The following DYNC1I2 variants were observed in gnomAD, a reference collection of about 807,000 sequenced individuals.
DYNC1I2 encodes dynein cytoplasmic 1 intermediate chain 2.
Under a neutral mutation model 88.6 loss-of-function variants are expected in DYNC1I2, and 53 were observed. That is an observed-to-expected ratio of 0.60 (90% CI 0.48 to 0.75). The LOEUF (loss-of-function observed/expected upper bound fraction) is 0.75. DYNC1I2 is among the 30% of genes least tolerant of loss of function. The pLI is 0.00. For synonymous variants in DYNC1I2, 198 were observed against 254.6 expected (o/e 0.78, Z 2.12); for missense variants, 458 against 766.6 (o/e 0.60, Z 4.75).
chr2:171,726,216 C>T lies in DYNC1I2; in HGVS notation c.793C>T (p.Leu265=). ...KEGEIQAGAK[L]SLNRQFFDER... ...TAGAGAGATTCAAGCAGGTGCTAAACTGTCATTAAATCGACAATTTTTTGA... is the reference window on the plus strand; with the variant it reads ...TAGAGAGATTCAAGCAGGTGCTAAATTGTCATTAAATCGACAATTTTTTGA... Residue 265 remains leucine, a synonymous_variant, in exon 10 of 18, where the codon CTG becomes TTG. Coordinates refer to ENST00000397119, the MANE Select transcript of DYNC1I2 (RefSeq NM_001378.3). 1.2e-6 allele frequency: 2 copies of T among 1,612,036 alleles called. No homozygotes were observed. The highest frequency in any genetic ancestry group is 2.2e-5 in the East Asian group (1 of 44,792).
intron 7 of DYNC1I2, among the ~76,000 whole-genome samples, chr2:171,723,441 C>T (rs540055473): frequency 6.6e-6 from 1 of 152,036 alleles, no homozygotes; most frequent in African/African-American, 2.4e-5. Flanking sequence ...AAATAGATGT[C>T]CTATTATTCT....
intron 3 of DYNC1I2, among the ~76,000 whole-genome samples, chr2:171,705,232 T>TC (rs1293007784): frequency 6.6e-6 from 1 of 152,146 alleles, no homozygotes; most frequent in Non-Finnish European, 1.5e-5. Flanking sequence ...AGCCTGTTTC[T>TC]GTAAAGAATT....
intron 7 of DYNC1I2, among the ~76,000 whole-genome samples, chr2:171,724,626 A>G (rs997184647): frequency 7.2e-5 from 11 of 152,216 alleles, no homozygotes; most frequent in Admixed American, 7.2e-4. Context: ...AATTTTGAAC[A>G]TGAGTCAGGG....
chr2:171,704,148 G>A (rs561874084), intron 3 of DYNC1I2, among the ~76,000 whole-genome samples: 51 of 152,038 alleles, frequency 3.4e-4, no homozygotes, highest in African/African-American at 1.2e-3. Context: ...GGTCCTTTGT[G>A]GTCTAAAAAT....
intron 15 of DYNC1I2, among the ~76,000 whole-genome samples, chr2:171,738,312 A>G (rs953479688): frequency 1.2e-4 from 19 of 152,074 alleles, no homozygotes; most frequent in African/African-American, 3.6e-4. Context: ...AGCCTGGGAG[A>G]CAAGAACGAA....
intron 13 of DYNC1I2, 98 bp from the exon 14 acceptor site, chr2:171,728,616 AAAT>A: frequency 9.1e-7 from 1 of 1,099,908 alleles, no homozygotes; most frequent in Non-Finnish European, 1.3e-6. Flanking sequence ...AGATTTATGT[AAAT>A]AATAAAAGAA....
rs1484254116 is a variant in DYNC1I2, at chr2:171,744,076, G to T, written c.1564G>T (p.Asp522Tyr). The part of the protein sequence containing the change: ...KNNKPLYSFE[D>Y]NADYVYDVMW... ...TAACAAGCCTTTGTATTCATTTGAA[G>T]ATAATGCAGACTATGTTTATGATGT... Residue 522 changes from aspartate (D) to tyrosine (Y), a missense_variant, in exon 16 of 18, where the codon GAT (aspartate) becomes TAT (tyrosine). By Grantham distance (160) the Asp-to-Tyr change is radical. This residue lies in a region of DYNC1I2 where 188 missense variants were observed against 300.4 expected (regional missense o/e 0.63). Coordinates refer to ENST00000397119, the MANE Select transcript of DYNC1I2 (RefSeq NM_001378.3). The T allele has an allele frequency of 6.2e-7, 1 of 1,611,522 alleles. No homozygotes were observed. The highest frequency in any genetic ancestry group is 8.5e-7 in the Non-Finnish European group (1 of 1,179,376).
intron 5 of DYNC1I2, among the ~76,000 whole-genome samples, chr2:171,708,123 C>T (rs1559374964): frequency 6.6e-6 from 1 of 151,526 alleles, no homozygotes; most frequent in Non-Finnish European, 1.5e-5. Flanking sequence ...TACTTTTTGA[C>T]TTCTGAAATG....
intron 7 of DYNC1I2, among the ~76,000 whole-genome samples, chr2:171,716,934 A>T (rs1187398841): frequency 6.6e-6 from 1 of 151,880 alleles, no homozygotes; most frequent in African/African-American, 2.4e-5. Flanking sequence ...TAGGATTGTA[A>T]CTATTTACAA....
At chr2:171,689,533 T>A (rs1685222891) in intron 1 of DYNC1I2, among the ~76,000 whole-genome samples, 1 of 152,216 alleles carries the variant, frequency 6.6e-6, no homozygotes, top group Non-Finnish European at 1.5e-5. Context: ...TTGACCTTTA[T>A]CTTGGGTACC....
rs868845511 is a variant in DYNC1I2 at position 171,745,506 on chromosome 2, G to T, written c.1678-296G>T. Among the ~76,000 whole-genome samples the T allele has an allele frequency of 1.6e-4, 24 of 152,224 alleles. 1 individual carries two copies. The highest frequency in any genetic ancestry group is 5.5e-4 in the African/African-American group (23 of 41,544). ...TTTTCAAACAGCTTGACTTCTTAAAGACATTAAAACAACAAAAAAGGATTC... is the reference window on the plus strand; with the variant it reads ...TTTTCAAACAGCTTGACTTCTTAAATACATTAAAACAACAAAAAAGGATTC... On this transcript the variant is annotated intron_variant, in intron 16 of 17. Coordinates refer to ENST00000397119, the MANE Select transcript of DYNC1I2 (RefSeq NM_001378.3).
chr2:171,720,402 A>G (rs1269995073), intron 7 of DYNC1I2, among the ~76,000 whole-genome samples: 1 of 152,128 alleles, frequency 6.6e-6, no homozygotes, highest in African/African-American at 2.4e-5. Context: ...TAACATTTGG[A>G]ATTCACTCCC....
intron 3 of DYNC1I2, among the ~76,000 whole-genome samples, chr2:171,705,636 C>T (rs116211243): frequency 6.6e-6 from 1 of 152,108 alleles, no homozygotes; most frequent in African/African-American, 2.4e-5. Context: ...GGGGAAGCCT[C>T]ACAGTGAAAG....
At chr2:171,736,044 A>C (rs1688982237) in intron 15 of DYNC1I2, among the ~76,000 whole-genome samples, 1 of 152,212 alleles carries the variant, frequency 6.6e-6, no homozygotes, top group African/African-American at 2.4e-5. Flanking sequence ...ACCCCTCCTT[A>C]TATTAATAGC....
chr2:171,742,312 A>G (rs1014703587), intron 15 of DYNC1I2, among the ~76,000 whole-genome samples: 2 of 151,982 alleles, frequency 1.3e-5, no homozygotes, highest in African/African-American at 4.8e-5. Flanking sequence ...GGCTGAGACT[A>G]TAGGTGCATG....
intron 1 of DYNC1I2, chr2:171,688,640 A>G (rs754546794): frequency 2.0e-5 from 3 of 152,168 alleles, no homozygotes; most frequent in Non-Finnish European, 4.4e-5. Flanking sequence ...TATTGTGTAT[A>G]TATTTCAGGT....
chr2:171,689,667 T>G (rs981589765), intron 1 of DYNC1I2, among the ~76,000 whole-genome samples: 1 of 151,956 alleles, frequency 6.6e-6, no homozygotes, highest in Non-Finnish European at 1.5e-5. Context: ...TATATTTGTT[T>G]ATACATTTTT....
intron 11 of DYNC1I2, 63 bp downstream of exon 11, chr2:171,726,979 G>A (rs1688299759): frequency 6.9e-7 from 1 of 1,445,356 alleles, no homozygotes; most frequent in Non-Finnish European, 9.2e-7. Context: ...ATTAAGACAA[G>A]TGCCTTTTTT....
chr2:171,733,894 T>C (rs544382456), intron 15 of DYNC1I2, among the ~76,000 whole-genome samples: 1 of 152,150 alleles, frequency 6.6e-6, no homozygotes, highest in East Asian at 1.9e-4. Flanking sequence ...TGAATGGTAT[T>C]GTCTAGGTTT....
Sources: gnomAD v4.1 joint callset for allele counts (sites outside exome capture counted in the v4.1 genomes callset) on GRCh38, gnomAD v4.1.1 for gene constraint, gnomAD v4.1.1 regional missense constraint, MANE v1.5 for transcripts, NCBI Gene and HGNC (gene_info 2026-07-23, HGNC 2026-07-21) for gene names.